PHKB: variants seen among roughly 807,000 people sequenced by gnomAD.
PHKB encodes phosphorylase b kinase regulatory subunit beta.
A neutral mutation model predicts 152.1 loss-of-function variants in PHKB; 122 were observed. The ratio of observed to expected loss-of-function variants is 0.80; its 90% CI spans 0.69 to 0.93. PHKB has a LOEUF of 0.93. Among genes scored for constraint, PHKB ranks in the 40% least tolerant of loss-of-function variants. PHKB has a pLI of 0.00. For synonymous variants in PHKB, 436 were observed against 464.9 expected (o/e 0.94, Z 0.80); for missense variants, 1,304 against 1,328.4 (o/e 0.98, Z 0.29).
At chr16:47,556,819 G>A (rs1971379585) in intron 7 of PHKB, among the ~76,000 whole-genome samples, 1 of 152,088 alleles carries the variant, frequency 6.6e-6, no homozygotes, top group South Asian at 2.1e-4. Context: ...TTTTTCTATT[G>A]ATTGGAATAG....
intron 22 of PHKB, 109 bp downstream of exon 22, chr16:47,660,928 C>A: frequency 9.0e-7 from 1 of 1,107,558 alleles, no homozygotes; most frequent in South Asian, 1.3e-5. Context: ...AGCAATTAAT[C>A]TGGAGGTGGA....
chr16:47,493,963 TA>T (rs1970192394), intron 1 of PHKB, among the ~76,000 whole-genome samples: 1 of 152,216 alleles, frequency 6.6e-6, no homozygotes, highest in Admixed American at 6.5e-5. Flanking sequence ...TTGCCTTTTA[TA>T]GAGCTTCACT....
At chr16:47,550,136 C>T (rs1301842336) in intron 7 of PHKB, among the ~76,000 whole-genome samples, 1 of 152,180 alleles carries the variant, frequency 6.6e-6, no homozygotes, top group Admixed American at 6.5e-5. Flanking sequence ...TGTTTTGAAT[C>T]TATCACCTCT....
At chr16:47,658,665 A>C (rs548869930) in intron 20 of PHKB, among the ~76,000 whole-genome samples, 1 of 152,316 alleles carries the variant, frequency 6.6e-6, no homozygotes, top group Admixed American at 6.5e-5. Context: ...CCTAAGAGCA[A>C]TAGGCTGTGC....
chr16:47,541,311 G>A (rs1430952071), intron 6 of PHKB, among the ~76,000 whole-genome samples: 3 of 152,080 alleles, frequency 2.0e-5, no homozygotes, highest in Admixed American at 2.0e-4. Flanking sequence ...CCATGTCCCC[G>A]CAAAGGACAT....
intron 26 of PHKB, among the ~76,000 whole-genome samples, chr16:47,673,996 T>G (rs1486275912): frequency 6.6e-6 from 1 of 152,186 alleles, no homozygotes; most frequent in Non-Finnish European, 1.5e-5. Flanking sequence ...TTTCTGCATG[T>G]TTTTGCTTCT....
intron 26 of PHKB, among the ~76,000 whole-genome samples, chr16:47,687,420 C>T (rs888330316): frequency 6.6e-6 from 1 of 152,064 alleles, no homozygotes; most frequent in African/African-American, 2.4e-5. Flanking sequence ...AGAATGAGGA[C>T]GATGTAAAGA....
chr16:47,556,010 C>T (rs1016568720), intron 7 of PHKB, among the ~76,000 whole-genome samples: 1 of 152,070 alleles, frequency 6.6e-6, no homozygotes, highest in African/African-American at 2.4e-5. Flanking sequence ...AAGTTGGATT[C>T]CTAGGTATTT....
At chr16:47,629,568 T>C (rs555581689) in intron 14 of PHKB, among the ~76,000 whole-genome samples, 1,735 of 150,398 alleles carry the variant, frequency 0.012, 36 homozygotes, top group African/African-American at 0.04. Context: ...ACTTTTACAC[T>C]GTTGGTGGGA....
intron 25 of PHKB, among the ~76,000 whole-genome samples, chr16:47,666,507 C>T (rs1973541840): frequency 6.6e-6 from 1 of 152,230 alleles, no homozygotes; most frequent in Admixed American, 6.5e-5. Flanking sequence ...CAGCTCCTCC[C>T]CATTCACCAG....
At position 47,649,180 on chromosome 16, in the gene PHKB, T is replaced by C; in HGVS notation, c.1773T>C (p.Val591=). The C allele has an allele frequency of 6.3e-7, 1 of 1,596,524 alleles. No individual in the cohort carries two copies. The highest frequency in any genetic ancestry group is 1.1e-5 in the South Asian group (1 of 90,746). ...GTGATTTCTACATGTCTCAGGATGT[T>C]TTCCTGCTGATAGATGACATAAAGG... The part of the protein sequence containing the change: ...DLSDFYMSQD[V]FLLIDDIKNA... Residue 591 remains valine (V), a synonymous_variant, in exon 18 of 31, where the codon GTT becomes GTC. Transcript: ENST00000323584.
At chr16:47,520,588 T>G (rs983711676) in intron 6 of PHKB, among the ~76,000 whole-genome samples, 1 of 152,240 alleles carries the variant, frequency 6.6e-6, no homozygotes. Context: ...CAACATCATA[T>G]TCAAGCTTCA....
intron 7 of PHKB, among the ~76,000 whole-genome samples, chr16:47,551,179 A>AT (rs981290589): frequency 4.6e-5 from 7 of 151,918 alleles, no homozygotes; most frequent in African/African-American, 1.4e-4. Context: ...GGATTCCTTG[A>AT]TTTTTTTGAA....
intron 28 of PHKB, among the ~76,000 whole-genome samples, chr16:47,694,647 G>C (rs540067635): frequency 6.6e-6 from 1 of 152,296 alleles, no homozygotes; most frequent in East Asian, 1.9e-4. Flanking sequence ...AGTTTCATTT[G>C]ACTGTCAGTG....
At chr16:47,518,663 T>G (rs1490432971) in intron 6 of PHKB, among the ~76,000 whole-genome samples, 2 of 152,216 alleles carry the variant, frequency 1.3e-5, no homozygotes, top group African/African-American at 4.8e-5. Context: ...GTCATACTCA[T>G]TTTTTATTAA....
chr16:47,495,592 C>A (rs1371489279), intron 1 of PHKB, among the ~76,000 whole-genome samples: 3 of 151,966 alleles, frequency 2.0e-5, no homozygotes, highest in African/African-American at 7.3e-5. Context: ...ATTATTTGTA[C>A]CTAATTTATT....
chr16:47,483,141 C>T (rs1321812182), intron 1 of PHKB, among the ~76,000 whole-genome samples: 1 of 147,682 alleles, frequency 6.8e-6, no homozygotes. Flanking sequence ...TGGGTTCAAG[C>T]GATTCTCATG....
chr16:47,518,595 C>T (rs1347436833), intron 6 of PHKB, among the ~76,000 whole-genome samples: 1 of 152,138 alleles, frequency 6.6e-6, no homozygotes, highest in African/African-American at 2.4e-5. Flanking sequence ...ACAGGCGTAC[C>T]ATGTTTCCTT....
Position 47,649,167 on chromosome 16 carries a change from T to C in PHKB, c.1760T>C (p.Met587Thr), listed in dbSNP as rs886052022. ...ATTTTCGACCTAAGTGATTTCTACA[T>C]GTCTCAGGATGTTTTCCTGCTGATA... ...PIIFDLSDFY[M>T]SQDVFLLIDD... The change falls in exon 18 of 31, where the codon ATG becomes ACG. Residue 587 changes from methionine (M) to threonine (T), a missense_variant. By Grantham distance (81) the Met-to-Thr change is moderately conservative. Coordinates refer to ENST00000323584, the MANE Select transcript of PHKB (RefSeq NM_000293.3). The C allele has an allele frequency of 3.1e-6, 5 of 1,606,828 alleles. No homozygotes were observed. Among genetic ancestry groups the C allele is most frequent in the Non-Finnish European group, 4.3e-6 (5 of 1,173,326 alleles).
Sources: allele counts gnomAD v4.1 joint callset (sites outside exome capture counted in the v4.1 genomes callset), GRCh38; gene constraint gnomAD v4.1.1; transcripts MANE v1.5; gene names NCBI Gene and HGNC (gene_info 2026-07-23, HGNC 2026-07-21).